The following HDAC8 variants were observed in gnomAD, a reference collection of about 807,000 sequenced individuals.
HDAC8 encodes the protein histone deacetylase-like 1.
A neutral mutation model predicts 32.2 loss-of-function variants in HDAC8; 1 was observed. The ratio of observed to expected loss-of-function variants is 0.03; its 90% confidence interval spans 0.01 to 0.15. The LOEUF (loss-of-function observed/expected upper bound fraction) is 0.15. Ranked by LOEUF, HDAC8 falls within the 10% of genes least tolerant of loss-of-function variation. The pLI is 1.00. For synonymous variants in HDAC8, 108 were observed against 113.9 expected, an observed-to-expected ratio of 0.95 and a Z score of 0.33; for missense variants, 117 against 300.0, an observed-to-expected ratio of 0.39 and a Z score of 4.51.
chrX:72,415,524 T>G (rs1209566809), intron 9 of HDAC8, among the ~76,000 whole-genome samples: 1 of 112,330 alleles, frequency 8.9e-6, no homozygotes, highest in Non-Finnish European at 1.9e-5. Context: ...TGGAGAGAAC[T>G]GAAATCTTTA....
intron 5 of HDAC8, among the ~76,000 whole-genome samples, chrX:72,493,614 A>G (rs1556011232): frequency 8.9e-6 from 1 of 112,071 alleles, no homozygotes; most frequent in Non-Finnish European, 1.9e-5. Flanking sequence ...TTGCACACGC[A>G]CACACATATA....
chrX:72,481,810 A>G (rs1233086099), intron 7 of HDAC8, among the ~76,000 whole-genome samples: 1 of 109,059 alleles, frequency 9.2e-6, no homozygotes, highest in African/African-American at 3.3e-5. Flanking sequence ...GGGTTTTATT[A>G]TGTTGGCCAG....
intron 9 of HDAC8, among the ~76,000 whole-genome samples, chrX:72,399,832 G>T (rs1555966829): frequency 8.9e-6 from 1 of 112,036 alleles, no homozygotes; most frequent in Non-Finnish European, 1.9e-5. Flanking sequence ...CTGCATTTTT[G>T]ATTTTTATTG....
intron 7 of HDAC8, chrX:72,474,473 A>T (rs954931950): frequency 6.6e-6 from 7 of 1,060,546 alleles, no homozygotes; most frequent in Non-Finnish European, 8.5e-6. Context: ...GCTACACTGC[A>T]AATCATTAAT....
At chrX:72,545,058 T>A (rs782000862) in intron 4 of HDAC8, among the ~76,000 whole-genome samples, 3 of 111,334 alleles carry the variant, frequency 2.7e-5, no homozygotes, top group Non-Finnish European at 3.8e-5. Context: ...TAGGTATGAG[T>A]TGGATCCTAG....
At chrX:72,372,925 T>C (rs1297635279) in intron 9 of HDAC8, among the ~76,000 whole-genome samples, 2 of 111,870 alleles carry the variant, frequency 1.8e-5, no homozygotes. Flanking sequence ...CTGTGTTAAA[T>C]CCTTTAGTTA....
At chrX:72,421,050 T>G (rs2046473760) in intron 9 of HDAC8, among the ~76,000 whole-genome samples, 1 of 111,152 alleles carries the variant, frequency 9.0e-6, no homozygotes, top group African/African-American at 3.3e-5. Flanking sequence ...CCTCCATTAC[T>G]GTCTTATTTT....
At chrX:72,476,930 T>C (rs782538454) in intron 7 of HDAC8, among the ~76,000 whole-genome samples, 2 of 111,888 alleles carry the variant, frequency 1.8e-5, no homozygotes, top group African/African-American at 6.5e-5. Context: ...ATCGTGTCAC[T>C]GCCCGGTTAT....
At chrX:72,456,471 A>C (rs2047720272) in intron 9 of HDAC8, among the ~76,000 whole-genome samples, 1 of 111,706 alleles carries the variant, frequency 9.0e-6, no homozygotes, top group South Asian at 3.7e-4. Context: ...AAGTAATGTA[A>C]TACTATTTAA....
At chrX:72,392,843 T>C (rs1555964340) in intron 9 of HDAC8, among the ~76,000 whole-genome samples, 1 of 112,095 alleles carries the variant, frequency 8.9e-6, no homozygotes, top group African/African-American at 3.2e-5. Flanking sequence ...CTTCAGCATA[T>C]AATCACCAAA....
chrX:72,527,384 T>C (rs1489312015), intron 4 of HDAC8, among the ~76,000 whole-genome samples: 3 of 111,793 alleles, frequency 2.7e-5, no homozygotes, highest in Non-Finnish European at 5.6e-5. Flanking sequence ...TTGAGTTTAG[T>C]GTCTTTGTTG....
intron 9 of HDAC8, among the ~76,000 whole-genome samples, chrX:72,400,290 G>T (rs1419748219): frequency 8.9e-6 from 1 of 111,797 alleles, no homozygotes; most frequent in Non-Finnish European, 1.9e-5. Context: ...TGTAATGCTA[G>T]TCTAACTTAC....
intron 9 of HDAC8, among the ~76,000 whole-genome samples, chrX:72,367,801 C>T (rs2044745699): frequency 8.9e-6 from 1 of 112,605 alleles, no homozygotes; most frequent in Non-Finnish European, 1.9e-5. Flanking sequence ...GTTCAGGTGT[C>T]CTCAAAGATT....
intron 10 of HDAC8, among the ~76,000 whole-genome samples, chrX:72,336,651 C>G (rs1381875118): frequency 9.0e-6 from 1 of 111,578 alleles, no homozygotes. Context: ...CTCCTGGCCT[C>G]AAGCAATCCT....
chrX:72,486,046 C>T (rs1272412331), intron 7 of HDAC8, among the ~76,000 whole-genome samples: 8 of 110,376 alleles, frequency 7.2e-5, no homozygotes, highest in East Asian at 2.8e-4. Context: ...GGCGTGAACC[C>T]GGAAGGCAGA....
At chrX:72,335,425 C>T (rs181072541) in intron 10 of HDAC8, among the ~76,000 whole-genome samples, 183 of 111,928 alleles carry the variant, frequency 1.6e-3, no homozygotes, top group African/African-American at 5.7e-3. Flanking sequence ...AGTATGTAAC[C>T]TTTTTGGACT....
chrX:72,378,290 A>G (rs782173908), intron 9 of HDAC8, among the ~76,000 whole-genome samples: 18 of 111,332 alleles, frequency 1.6e-4, no homozygotes, highest in Non-Finnish European at 2.6e-4. Context: ...CATGGTAGTG[A>G]GTTCTCACTC....
intron 9 of HDAC8, among the ~76,000 whole-genome samples, chrX:72,420,561 G>C (rs1031459519): frequency 4.5e-5 from 5 of 111,937 alleles, no homozygotes; most frequent in Non-Finnish European, 9.4e-5. Context: ...TTTTGGCTTT[G>C]ATTCTCTGTA....
chrX:72,368,425 C>T (rs1464788171), intron 9 of HDAC8, among the ~76,000 whole-genome samples: 1 of 105,983 alleles, frequency 9.4e-6, no homozygotes, highest in African/African-American at 3.5e-5. Flanking sequence ...GGCGCGATCT[C>T]GGCTCACTGC....
Sources: gnomAD v4.1 joint callset for allele counts (sites outside exome capture counted in the v4.1 genomes callset) on GRCh38, gnomAD v4.1.1 for gene constraint, MANE v1.5 for transcripts, NCBI Gene and HGNC (gene_info 2026-07-23, HGNC 2026-07-21) for gene names.